The following PDE4B variants were observed in gnomAD, a reference collection of about 807,000 sequenced individuals.
The protein encoded by PDE4B is phosphodiesterase 4B, also known as 3',5'-cyclic-AMP phosphodiesterase 4B.
Under a neutral mutation model 82.2 loss-of-function variants are expected in PDE4B, and 20 were observed. The observed-to-expected ratio is 0.24, with a 90% CI of 0.17 to 0.35. PDE4B has a LOEUF of 0.35. Ranked by LOEUF, PDE4B falls within the 10% of genes least tolerant of loss-of-function variation. The probability of loss-of-function intolerance (pLI) is 1.00; values close to 1 mark genes in which losing one functional copy is unlikely to be tolerated. For synonymous variants in PDE4B, 320 were observed against 318.9 expected (o/e 1.00, Z -0.04); for missense variants, 655 against 907.2 (o/e 0.72, Z 3.57).
intron 7 of PDE4B, among the ~76,000 whole-genome samples, chr1:66,276,629 G>T (rs1403232177): frequency 3.3e-5 from 5 of 152,148 alleles, no homozygotes. Flanking sequence ...CATCTCACAC[G>T]TCCATTATTC....
At chr1:66,095,901 A>G (rs921375243) in intron 3 of PDE4B, among the ~76,000 whole-genome samples, 8 of 152,014 alleles carry the variant, frequency 5.3e-5, no homozygotes, top group African/African-American at 1.7e-4. Context: ...CTTTTAATCA[A>G]TACATGCTAT....
At chr1:66,372,092 T>C (rs1441900170) in intron 16 of PDE4B, among the ~76,000 whole-genome samples, 2 of 152,226 alleles carry the variant, frequency 1.3e-5, no homozygotes, top group Non-Finnish European at 2.9e-5. Context: ...TCTGCCTTTG[T>C]AAATAGTAAA....
chr1:65,810,555 T>G (rs982275841), intron 1 of PDE4B, among the ~76,000 whole-genome samples: 1 of 152,122 alleles, frequency 6.6e-6, no homozygotes, highest in East Asian at 1.9e-4. Context: ...AAATATTTAT[T>G]GAGAGTTTCA....
At chr1:66,196,657 T>C (rs1274560566) in intron 3 of PDE4B, among the ~76,000 whole-genome samples, 8 of 152,070 alleles carry the variant, frequency 5.3e-5, no homozygotes, top group Non-Finnish European at 7.4e-5. Flanking sequence ...ATGTCCTTTG[T>C]AGGGACATGG....
chr1:66,187,677 A>G (rs1275697569), intron 3 of PDE4B, among the ~76,000 whole-genome samples: 1 of 151,974 alleles, frequency 6.6e-6, no homozygotes, highest in Non-Finnish European at 1.5e-5. Flanking sequence ...ATCTGTGGTG[A>G]TATCCCCTTT....
At chr1:66,331,647 C>A in intron 7 of PDE4B, 1 of 606,536 alleles carries the variant, frequency 1.6e-6, no homozygotes, top group Non-Finnish European at 2.1e-6. Flanking sequence ...CAGCTTTAAT[C>A]AAAATAAAAA....
chr1:66,318,578 T>C (rs1163291654), intron 7 of PDE4B, among the ~76,000 whole-genome samples: 4 of 152,222 alleles, frequency 2.6e-5, no homozygotes, highest in Non-Finnish European at 5.9e-5. Flanking sequence ...TGCTGGCCTT[T>C]GAGTGTTCAC....
At chr1:65,852,705 G>A (rs1302026264) in intron 1 of PDE4B, among the ~76,000 whole-genome samples, 2 of 151,834 alleles carry the variant, frequency 1.3e-5, no homozygotes, top group African/African-American at 4.8e-5. Context: ...ATTTCCATGT[G>A]ATTTTTTTCT....
intron 8 of PDE4B, among the ~76,000 whole-genome samples, chr1:66,333,153 A>T (rs911346857): frequency 2.6e-5 from 4 of 152,236 alleles, no homozygotes; most frequent in Non-Finnish European, 5.9e-5. Context: ...ATGACCTAAG[A>T]TAAAAAAGAA....
chr1:65,873,645 G>A (rs1001585130), intron 1 of PDE4B, among the ~76,000 whole-genome samples: 6 of 152,072 alleles, frequency 3.9e-5, no homozygotes, highest in African/African-American at 1.2e-4. Context: ...GGAAATTAAT[G>A]AAGAATTTAA....
chr1:66,368,870 C>T lies in PDE4B; in HGVS notation c.1746C>T (p.Ile582=), dbSNP rs200251647. The change falls in exon 16 of 17, where the codon ATC becomes ATT. Residue 582 remains isoleucine, a synonymous_variant. Coordinates refer to ENST00000341517, the MANE Select transcript of PDE4B (RefSeq NM_002600.4). ...LELYRQWTDR[I]MEEFFQQGDK... ...TGTATCGGCAATGGACAGACCGCAT[C>T]ATGGAGGAATTTTTCCAGCAGGGAG... 6.8e-6 allele frequency: 11 copies of T among 1,613,550 alleles called. No homozygotes were observed. Among genetic ancestry groups the T allele is most frequent in the Admixed American group, 1.7e-5 (1 of 59,974 alleles).
rs575271511 is a variant in PDE4B, at chr1:65,935,363, G to GA, written c.281+16541dup. On this transcript the variant is annotated intron_variant, in intron 3 of 16. Coordinates refer to ENST00000341517, the MANE Select transcript of PDE4B (RefSeq NM_002600.4). ...AACATACCAAAACTTATGGGATGCAGAAAAAAAAAAAAAGAATGTGATATG... is the reference window on the plus strand; with the variant it reads ...AACATACCAAAACTTATGGGATGCAGAAAAAAAAAAAAAAGAATGTGATATG... Among the ~76,000 whole-genome samples the GA allele has an allele frequency of 3.0e-3, 394 of 133,490 alleles. 3 individuals are homozygous for GA. The highest frequency in any genetic ancestry group is 0.012 in the South Asian group (50 of 4,324). The allele number at this position is 133,490 out of a possible 152,430, so 87.6% of individuals were successfully genotyped here. A position where few individuals can be genotyped will look rare whatever the true frequency, so the allele number is the denominator to read the frequency against.
At chr1:65,912,685 T>C (rs1175129094) in intron 1 of PDE4B, among the ~76,000 whole-genome samples, 1 of 152,238 alleles carries the variant, frequency 6.6e-6, no homozygotes, top group Non-Finnish European at 1.5e-5. Flanking sequence ...TTTAAACTGG[T>C]GGTAAAAATT....
rs570984449 is a variant in PDE4B, at chr1:66,191,165, T to C, written c.282-56295T>C. Among the ~76,000 whole-genome samples the C allele has an allele frequency of 2.6e-5, 4 of 152,214 alleles. 1 individual carries two copies. The highest frequency in any genetic ancestry group is 4.8e-5 in the African/African-American group (2 of 41,444). On this transcript the variant is annotated intron_variant, in intron 3 of 16. Transcript: ENST00000341517. ...TTTCTGCTTACATGTTAGTGTAGTA[T>C]ACATTATGAAAAATGGTATGTATTG...
At chr1:66,341,414 C>T (rs1660974584) in intron 8 of PDE4B, among the ~76,000 whole-genome samples, 1 of 152,110 alleles carries the variant, frequency 6.6e-6, no homozygotes, top group African/African-American at 2.4e-5. Context: ...ATTTACGTTT[C>T]TTGAGTAAAA....
chr1:66,046,721 A>G (rs1654735447), intron 3 of PDE4B, among the ~76,000 whole-genome samples: 1 of 151,874 alleles, frequency 6.6e-6, no homozygotes, highest in African/African-American at 2.4e-5. Context: ...AATGACTGTA[A>G]TCATTAACAG....
chr1:66,269,398 GA>G (rs1326488954), intron 7 of PDE4B, among the ~76,000 whole-genome samples: 1 of 152,130 alleles, frequency 6.6e-6, no homozygotes, highest in East Asian at 1.9e-4. Context: ...TAGGGGTGTC[GA>G]AAATGCCAAT....
At chr1:66,185,532 TCTAA>T (rs773336188) in intron 3 of PDE4B, among the ~76,000 whole-genome samples, 10 of 151,890 alleles carry the variant, frequency 6.6e-5, no homozygotes, top group Admixed American at 1.3e-4. Flanking sequence ...TGATTGCCAT[TCTAA>T]CTGGTGTGAG....
Position 66,372,477 on chromosome 1 carries a change from C to A in PDE4B, c.2010C>A (p.Asp670Glu), listed in dbSNP as rs1434476975. ...CACCACTGGACGAGCAGAACAGGGA[C>A]TGCCAGGGTCTGATGGAGAAGTTTC... is the stretch of plus-strand genomic sequence containing the variant. ...PSPPLDEQNRDCQGLMEKFQF... is the reference protein window; with the variant it reads ...PSPPLDEQNRECQGLMEKFQF... The change falls in exon 17 of 17, where the codon GAC becomes GAA. Residue 670 changes from aspartate to glutamate, a missense_variant. Transcript: ENST00000341517. 7 of 1,614,004 alleles carry A rather than the reference C, an allele frequency of 4.3e-6. No individual in the cohort carries two copies. Among genetic ancestry groups the A allele is most frequent in the Non-Finnish European group, 5.1e-6 (6 of 1,179,984 alleles).
Sources: gnomAD v4.1 joint callset for allele counts (sites outside exome capture counted in the v4.1 genomes callset) on GRCh38, gnomAD v4.1.1 for gene constraint, MANE v1.5 for transcripts, NCBI Gene and HGNC (gene_info 2026-07-23, HGNC 2026-07-21) for gene names.